YAP1: variants seen among roughly 807,000 people sequenced by gnomAD.
YAP1 encodes the protein Yes1 associated transcriptional regulator, also known as transcriptional coactivator YAP1.
Under a neutral mutation model 56.9 loss-of-function variants are expected in YAP1, and 5 were observed. That is an observed-to-expected ratio of 0.09 (90% CI 0.05 to 0.18). The LOEUF (loss-of-function observed/expected upper bound fraction) is 0.18, where lower values mean the gene tolerates loss of function less well. Ranked by LOEUF, YAP1 falls within the 10% of genes least tolerant of loss-of-function variation. The pLI, the probability that YAP1 is intolerant of heterozygous loss-of-function variation, is 1.00. For missense variants in YAP1, 539 were observed against 651.8 expected, an observed-to-expected ratio of 0.83 and a Z score of 1.88; for synonymous variants, 265 against 248.1, an observed-to-expected ratio of 1.07 and a Z score of -0.64.
intron 4 of YAP1, among the ~76,000 whole-genome samples, chr11:102,194,447 A>C (rs1265782705): frequency 6.6e-6 from 1 of 152,220 alleles, no homozygotes; most frequent in Non-Finnish European, 1.5e-5. Context: ...GTGCATTACT[A>C]ATAGCATCCT....
At chr11:102,197,957 A>G (rs1411059122) in intron 4 of YAP1, among the ~76,000 whole-genome samples, 1 of 152,202 alleles carries the variant, frequency 6.6e-6, no homozygotes, top group South Asian at 2.1e-4. Flanking sequence ...TAAGATACTC[A>G]GAAGGTAAAG....
At chr11:102,205,680 T>G (rs1347407165) in intron 4 of YAP1, among the ~76,000 whole-genome samples, 2 of 152,186 alleles carry the variant, frequency 1.3e-5, no homozygotes, top group Admixed American at 6.5e-5. Context: ...ACGTCTTGTT[T>G]CTTTTCTCTT....
At chr11:102,165,006 A>G (rs1226886306) in intron 3 of YAP1, among the ~76,000 whole-genome samples, 1 of 152,174 alleles carries the variant, frequency 6.6e-6, no homozygotes, top group Non-Finnish European at 1.5e-5. Flanking sequence ...TACAGGCATG[A>G]GCCACCATGT....
intron 3 of YAP1, among the ~76,000 whole-genome samples, chr11:102,166,179 A>G (rs1231167110): frequency 6.6e-6 from 1 of 152,242 alleles, no homozygotes; most frequent in Non-Finnish European, 1.5e-5. Flanking sequence ...ATGAATTCCC[A>G]GAATCAGACA....
At chr11:102,163,716 G>C (rs1591285564) in intron 3 of YAP1, among the ~76,000 whole-genome samples, 1 of 152,208 alleles carries the variant, frequency 6.6e-6, no homozygotes, top group Non-Finnish European at 1.5e-5. Flanking sequence ...GACTGTTGTG[G>C]TTGGGTGGGA....
chr11:102,162,796 G>A (rs779347767), intron 3 of YAP1, among the ~76,000 whole-genome samples: 1 of 152,120 alleles, frequency 6.6e-6, no homozygotes, highest in African/African-American at 2.4e-5. Context: ...AAAGCCAGTG[G>A]TTCTTTAAGA....
intron 3 of YAP1, among the ~76,000 whole-genome samples, chr11:102,180,707 A>G (rs1172051717): frequency 6.7e-6 from 1 of 149,686 alleles, no homozygotes; most frequent in Non-Finnish European, 1.5e-5. Flanking sequence ...AAAAAAGAAG[A>G]TCAAAACAAA....
chr11:102,142,197 C>G (rs1945062319), intron 2 of YAP1, among the ~76,000 whole-genome samples: 1 of 152,042 alleles, frequency 6.6e-6, no homozygotes, highest in South Asian at 2.1e-4. Flanking sequence ...AGAATAAAAG[C>G]TCTAACAGTG....
chr11:102,221,986 T>C (rs907120857), intron 6 of YAP1, among the ~76,000 whole-genome samples: 10 of 152,136 alleles, frequency 6.6e-5, no homozygotes, highest in Non-Finnish European at 2.9e-5. Context: ...TCAGAGACTC[T>C]CTGAATTCTG....
intron 4 of YAP1, among the ~76,000 whole-genome samples, chr11:102,187,683 GA>G (rs938397890): frequency 6.6e-6 from 1 of 151,974 alleles, no homozygotes; most frequent in Non-Finnish European, 1.5e-5. Context: ...GCTTTTTAAA[GA>G]AAAAAATTTT....
chr11:102,136,744 A>G (rs957621459), intron 2 of YAP1, among the ~76,000 whole-genome samples: 1 of 151,966 alleles, frequency 6.6e-6, no homozygotes, highest in African/African-American at 2.4e-5. Context: ...TTTTTCTCAG[A>G]TGGATATCCA....
chr11:102,223,288 A>G (rs924535541), intron 6 of YAP1, among the ~76,000 whole-genome samples: 1 of 150,500 alleles, frequency 6.6e-6, no homozygotes, highest in Non-Finnish European at 1.5e-5. Context: ...ATTTTTTTTT[A>G]AAGACCAGAC....
rs1947932893 is a variant in YAP1 at position 102,186,138 on chromosome 11, G to C, written c.802+7G>C. The C allele has an allele frequency of 6.2e-7, 1 of 1,609,114 alleles. No homozygotes were observed. The highest frequency in any genetic ancestry group is 1.3e-5 in the African/African-American group (1 of 74,544). The stretch of plus-strand genomic sequence containing the variant: ...AGGCTTGACCCTCGTTTTGGTAAAG[G>C]TTCATCTCAAAACCTTTTTAGATGC... On this transcript the variant is annotated splice_region_variant and intron_variant, in intron 4 of 8. Transcript: ENST00000282441.
intron 2 of YAP1, among the ~76,000 whole-genome samples, chr11:102,157,123 A>T (rs1302602082): frequency 1.3e-5 from 2 of 152,182 alleles, no homozygotes; most frequent in Non-Finnish European, 2.9e-5. Context: ...TAATTATTTA[A>T]ATTTCAATTT....
intron 2 of YAP1, among the ~76,000 whole-genome samples, chr11:102,156,444 C>T (rs1274191134): frequency 6.6e-6 from 1 of 152,198 alleles, no homozygotes; most frequent in Admixed American, 6.5e-5. Context: ...TTGAAAAACA[C>T]TTACAGCAGA....
intron 2 of YAP1, among the ~76,000 whole-genome samples, chr11:102,127,996 G>A (rs1051664714): frequency 6.6e-6 from 1 of 152,136 alleles, no homozygotes; most frequent in Non-Finnish European, 1.5e-5. Flanking sequence ...TATTTACCCA[G>A]TACCTGTACC....
intron 7 of YAP1, among the ~76,000 whole-genome samples, chr11:102,225,370 A>G (rs1459108816): frequency 1.3e-5 from 2 of 152,116 alleles, no homozygotes; most frequent in Non-Finnish European, 2.9e-5. Context: ...CTATAATCCC[A>G]GCTACTCGGG....
At chr11:102,212,542 T>G (rs1406312618) in intron 6 of YAP1, among the ~76,000 whole-genome samples, 1 of 152,160 alleles carries the variant, frequency 6.6e-6, no homozygotes, top group Non-Finnish European at 1.5e-5. Flanking sequence ...TTGGAAAAAT[T>G]CATCCTTACA....
At chr11:102,193,609 C>G (rs1340709016) in intron 4 of YAP1, among the ~76,000 whole-genome samples, 1 of 152,084 alleles carries the variant, frequency 6.6e-6, no homozygotes, top group African/African-American at 2.4e-5. Context: ...TCTACTTGAT[C>G]AGTATTTCAT....
Sources: gnomAD v4.1 joint callset for allele counts (sites outside exome capture counted in the v4.1 genomes callset) on GRCh38, gnomAD v4.1.1 for gene constraint, MANE v1.5 for transcripts, NCBI Gene and HGNC (gene_info 2026-07-23, HGNC 2026-07-21) for gene names.